Variants in RBBP4 observed in about 807,000 individuals in gnomAD.
RBBP4 encodes the protein RB binding protein 4, chromatin remodeling factor, also known as histone-binding protein RBBP4.
A neutral mutation model predicts 57.2 loss-of-function variants in RBBP4; 3 were observed. The observed-to-expected ratio is 0.05, with a 90% confidence interval of 0.02 to 0.14. The LOEUF is 0.14. Among genes scored for constraint, RBBP4 ranks in the 10% least tolerant of loss-of-function variants. The probability of loss-of-function intolerance (pLI) is 1.00; values close to 1 mark genes in which losing one functional copy is unlikely to be tolerated. For synonymous variants in RBBP4, 151 were observed against 171.5 expected, an observed-to-expected ratio of 0.88 and a Z score of 0.93; for missense variants, 107 against 520.6, an observed-to-expected ratio of 0.21 and a Z score of 7.73.
intron 3 of RBBP4, 55 bp downstream of exon 3, chr1:32,657,627 G>A: frequency 6.5e-7 from 1 of 1,546,592 alleles, no homozygotes; most frequent in South Asian, 1.2e-5. Context: ...TCTGTTATGT[G>A]CACTTTGATA....
rs778747735 is a variant in RBBP4 at position 32,681,869 on chromosome 1, T to C, written c.*2164T>C. On this transcript the variant is annotated 3_prime_UTR_variant, in exon 12 of 12. Transcript: ENST00000373493. ...ATATTTCTAAACAGCCCCTGTAAAGTTGAAAGAAAAAGTTTATAACAGTGA... is the reference window on the plus strand; with the variant it reads ...ATATTTCTAAACAGCCCCTGTAAAGCTGAAAGAAAAAGTTTATAACAGTGA... The C allele has an allele frequency of 1.9e-6, 3 of 1,613,966 alleles. No individual in the cohort carries two copies. The highest frequency in any genetic ancestry group is 3.3e-5 in the Admixed American group (2 of 59,982).
In RBBP4 at chr1:32,657,680, A is replaced by G. The variant is rs941278195; in HGVS notation, c.310+108A>G. ...AGAAACAATATTTAAGGTTGAGGGA[A>G]AGCCTGAGTTTGCAATGGTAGGTAT... On this transcript the variant is annotated intron_variant, in intron 3 of 11. Transcript: ENST00000373493. 3.8e-6 allele frequency: 5 copies of G among 1,317,644 alleles called. No homozygotes were observed. In the South Asian group the frequency reaches 8.0e-5, roughly 21 times the overall value. 81.6% of individuals were successfully genotyped at this position (1,317,644 alleles called of 1,614,324 possible). A position where few individuals can be genotyped will look rare whatever the true frequency, so the allele number is the denominator to read the frequency against.
At chr1:32,676,608 A>G (rs1649111149) in intron 11 of RBBP4, among the ~76,000 whole-genome samples, 1 of 58,654 alleles carries the variant, frequency 1.7e-5, no homozygotes, top group African/African-American at 6.0e-5. Flanking sequence ...GCAAAACTCC[A>G]TCTCAAAAAA....
intron 8 of RBBP4, among the ~76,000 whole-genome samples, chr1:32,671,446 G>A (rs111367088): frequency 4.6e-5 from 7 of 152,246 alleles, no homozygotes; most frequent in African/African-American, 1.7e-4. Context: ...AGCCAGGCAT[G>A]GTGGTGCACG....
chr1:32,656,864 T>C (rs1392694755), intron 2 of RBBP4, among the ~76,000 whole-genome samples: 2 of 152,210 alleles, frequency 1.3e-5, no homozygotes, highest in African/African-American at 4.8e-5. Context: ...TAAGCAAAAT[T>C]ATTAGCATAC....
rs1648977425 is a variant in RBBP4 at position 32,673,811 on chromosome 1, A to G, written c.1212+910A>G. The stretch of plus-strand genomic sequence containing the variant: ...ATACATTAATATTTTTAAAATAGTT[A>G]TATTCGGCCGAGCACGTTGGCTCAC... On this transcript the variant is annotated intron_variant, in intron 11 of 11. Coordinates refer to ENST00000373493, the MANE Select transcript of RBBP4 (RefSeq NM_005610.3). 3.3e-5 allele frequency among the ~76,000 whole-genome samples: 5 copies of G among 152,140 alleles called. No individual in the cohort carries two copies. In the South Asian group the frequency reaches 1.0e-3, roughly 32 times the overall value.
intron 11 of RBBP4, among the ~76,000 whole-genome samples, chr1:32,676,635 GAA>G (rs375693965): frequency 1.7e-4 from 1 of 5,728 alleles, no homozygotes; most frequent in Admixed American, 2.6e-3. Flanking sequence ...AAAAGAAAAA[GAA>G]AAGCTGTTTG....
rs1221994425 is a variant in RBBP4 at position 32,683,233 on chromosome 1, T to G, written c.*3528T>G. 1.6e-5 allele frequency: 2 copies of G among 126,986 alleles called. No individual in the cohort carries two copies. The highest frequency in any genetic ancestry group is 6.2e-5 in the African/African-American group (2 of 32,140). The allele number at this position is 126,986 out of a possible 1,614,324, so 7.9% of individuals were successfully genotyped here. A position where few individuals can be genotyped will look rare whatever the true frequency, so the allele number is the denominator to read the frequency against. On this transcript the variant is annotated 3_prime_UTR_variant, in exon 12 of 12. Coordinates refer to ENST00000373493, the MANE Select transcript of RBBP4 (RefSeq NM_005610.3). ...GGAGGCAGAGGTCACGCCACTGCAC[T>G]CCAGCCTGGCAACAGAGCAAGACTC...
rs375587265 is a variant in RBBP4 at position 32,660,518 on chromosome 1, G to C, written c.310+2946G>C. Reference sequence around the variant, plus strand: ...TGCAACCTCCGTCTCCCAGATTCAAGCTATTCTCCTGATTCAGCCTCCCAA... The same window carrying C: ...TGCAACCTCCGTCTCCCAGATTCAACCTATTCTCCTGATTCAGCCTCCCAA... On this transcript the variant is annotated intron_variant, in intron 3 of 11. Transcript: ENST00000373493. Among the ~76,000 whole-genome samples, 35 of 151,750 alleles carry C rather than the reference G, an allele frequency of 2.3e-4. 2 individuals are homozygous for C. The East Asian group carries it at 2.3e-3, about 10-fold the overall frequency.
chr1:32,679,972 A>G lies in RBBP4; in HGVS notation c.*267A>G. The stretch of plus-strand genomic sequence containing the variant: ...AAGTAGCTACAGAAAGGGGAATATT[A>G]TGTGTGATTATTTTTCTTCTTATGC... On this transcript the variant is annotated 3_prime_UTR_variant, in exon 12 of 12. Coordinates refer to ENST00000373493, the MANE Select transcript of RBBP4 (RefSeq NM_005610.3). 4 of 1,219,258 alleles carry G rather than the reference A, an allele frequency of 3.3e-6. No homozygotes were observed. The highest frequency in any genetic ancestry group is 4.1e-6 in the Non-Finnish European group (4 of 978,962). The allele number at this position is 1,219,258 out of a possible 1,614,324, so 75.5% of individuals were successfully genotyped here.
rs1649798809 is a variant in RBBP4, at chr1:32,685,972, A to ACT, written c.*6267_*6268insCT. The ACT allele has an allele frequency of 6.6e-6, 1 of 152,136 alleles. No individual in the cohort carries two copies. The allele number at this position is 152,136 out of a possible 1,614,324, so 9.4% of individuals were successfully genotyped here. ...TAGTTTGACCCCTACCTCCAACTTG[A>ACT]ACCTCTGTTACTCTTCCGTATGAAC... On this transcript the variant is annotated 3_prime_UTR_variant, in exon 12 of 12. Transcript: ENST00000373493.
chr1:32,662,923 G>T (rs1257895515), intron 3 of RBBP4, among the ~76,000 whole-genome samples: 2 of 152,052 alleles, frequency 1.3e-5, no homozygotes, highest in African/African-American at 2.4e-5. Context: ...GGCGGAGGTT[G>T]CAGTGAGCCG....
chr1:32,652,151 G>A, intron 2 of RBBP4, 90 bp downstream of exon 2: 1 of 1,427,214 alleles, frequency 7.0e-7, no homozygotes, highest in Non-Finnish European at 9.5e-7. Context: ...CAGTCACCCG[G>A]AGAAGGCATG....
At chr1:32,656,892 T>C (rs1158832768) in intron 2 of RBBP4, among the ~76,000 whole-genome samples, 1 of 152,252 alleles carries the variant, frequency 6.6e-6, no homozygotes. Flanking sequence ...TGGTTTGCTT[T>C]CCCTCCAACC....
intron 11 of RBBP4, among the ~76,000 whole-genome samples, chr1:32,678,500 T>A (rs2148534163): frequency 6.7e-6 from 1 of 148,830 alleles, no homozygotes; most frequent in East Asian, 2.0e-4. Context: ...ATGCTGGGAT[T>A]ACAGGCGTGT....
rs1201421634 is a variant in RBBP4 at position 32,680,339 on chromosome 1, T to G, written c.*634T>G. ...TTTATTTCCTGTCTGTGAAATGGTG[T>G]TTTTTTTTTTGTTGTTGGTTTTTTT... On this transcript the variant is annotated 3_prime_UTR_variant, in exon 12 of 12. Transcript: ENST00000373493. The G allele has an allele frequency of 7.8e-5, 52 of 668,734 alleles. No homozygotes were observed. Among genetic ancestry groups the G allele is most frequent in the African/African-American group, 1.5e-4 (7 of 45,288 alleles). The allele number at this position is 668,734 out of a possible 1,614,324, so 41.4% of individuals were successfully genotyped here. A position where few individuals can be genotyped will look rare whatever the true frequency, so the allele number is the denominator to read the frequency against.
At chr1:32,665,941 T>C (rs1570853403) in intron 3 of RBBP4, among the ~76,000 whole-genome samples, 1 of 152,226 alleles carries the variant, frequency 6.6e-6, no homozygotes, top group African/African-American at 2.4e-5. Context: ...ATTTATATAT[T>C]GCTTTGCCAA....
intron 3 of RBBP4, among the ~76,000 whole-genome samples, chr1:32,658,692 A>G (rs1648254149): frequency 1.3e-5 from 2 of 151,882 alleles, no homozygotes; most frequent in South Asian, 2.1e-4. Flanking sequence ...GACTACAGGC[A>G]TGCACCACCA....
At chr1:32,660,118 A>T (rs1648334992) in intron 3 of RBBP4, among the ~76,000 whole-genome samples, 1 of 152,014 alleles carries the variant, frequency 6.6e-6, no homozygotes, top group Admixed American at 6.6e-5. Flanking sequence ...CTGTTTATTT[A>T]TGTTTTTTGC....
Sources: gnomAD v4.1 joint callset for allele counts (sites outside exome capture counted in the v4.1 genomes callset) on GRCh38, gnomAD v4.1.1 for gene constraint, MANE v1.5 for transcripts, NCBI Gene and HGNC (gene_info 2026-07-23, HGNC 2026-07-21) for gene names.